RYR2: variants seen among roughly 807,000 people sequenced by gnomAD.
RYR2 encodes the protein cardiac muscle ryanodine receptor-calcium release channel.
A neutral mutation model predicts 601.1 loss-of-function variants in RYR2; 227 were observed. The ratio of observed to expected loss-of-function variants is 0.38; its 90% CI spans 0.34 to 0.42. RYR2 has a LOEUF of 0.42. Ranked by LOEUF, RYR2 falls within the 10% of genes least tolerant of loss-of-function variation. The probability of loss-of-function intolerance (pLI) is 1.00; values close to 1 mark genes in which losing one functional copy is unlikely to be tolerated. For missense variants in RYR2, 4,646 were observed against 6,156.5 expected (o/e 0.75, Z 8.21); for synonymous variants, 2,223 against 2,175.1 (o/e 1.02, Z -0.61).
chr1:237,638,241 G>T (rs1023198252), intron 44 of RYR2, 116 bp from the exon 45 acceptor site: 4 of 1,366,866 alleles, frequency 2.9e-6, no homozygotes, highest in Admixed American at 2.5e-5. Flanking sequence ...AAAAGAATTT[G>T]CAAAAATGCA....
intron 1 of RYR2, among the ~76,000 whole-genome samples, chr1:237,127,669 G>A (rs1456787563): frequency 3.3e-5 from 5 of 151,470 alleles, no homozygotes; most frequent in Non-Finnish European, 5.9e-5. Flanking sequence ...CTTCTCAGAC[G>A]GGGCGGCCGG....
intron 17 of RYR2, among the ~76,000 whole-genome samples, chr1:237,490,393 G>T (rs992002584): frequency 6.6e-6 from 1 of 151,992 alleles, no homozygotes; most frequent in Admixed American, 6.6e-5. Flanking sequence ...TCAATAATGG[G>T]GAGAAAACAA....
chr1:237,477,501 G>C (rs966689578), intron 17 of RYR2, among the ~76,000 whole-genome samples: 2 of 152,196 alleles, frequency 1.3e-5, no homozygotes, highest in Non-Finnish European at 2.9e-5. Flanking sequence ...CATTGTCAGG[G>C]ACAGAACTGA....
intron 84 of RYR2, among the ~76,000 whole-genome samples, chr1:237,764,402 ATTTTTTTTTTTTTTTTT>A (rs59485547): frequency 1.4e-5 from 1 of 69,964 alleles, no homozygotes; most frequent in African/African-American, 5.7e-5. Flanking sequence ...CTTAGGTAGC[ATTTTTTTTTTTTTTTTT>A]TTTTTTTTTT....
chr1:237,573,558 C>T (rs1672922527), intron 29 of RYR2, among the ~76,000 whole-genome samples: 1 of 148,822 alleles, frequency 6.7e-6, no homozygotes, highest in African/African-American at 2.5e-5. Context: ...CTGCTAGGAA[C>T]AACCCTATCC....
rs60735148 is a variant in RYR2 at position 237,102,068 on chromosome 1, T to C, written c.48+59499T>C. 5.9e-5 allele frequency among the ~76,000 whole-genome samples: 9 copies of C among 152,310 alleles called. No homozygotes were observed. The East Asian group carries it at 1.4e-3, about 23-fold the overall frequency. ...TGTGGTGTGTGTGAAAGCTTCATGG[T>C]AGACTTTTGACTTCAAGGTCAAAGA... is the stretch of plus-strand genomic sequence containing the variant. On this transcript the variant is annotated intron_variant, in intron 1 of 104. Transcript: ENST00000366574.
rs554627664 is a variant in RYR2, at chr1:237,454,839, T to C, written c.1476+265T>C. Among the ~76,000 whole-genome samples the C allele has an allele frequency of 7.9e-5, 12 of 152,332 alleles. No homozygotes were observed. In the South Asian group the frequency reaches 2.3e-3, roughly 29 times the overall value. Reference sequence around the variant, plus strand: ...TTTACTGTCTGCTCAGCCCTCACCCTGGTCTTTTGCAAGCACTATAGTTCT... The same window carrying C: ...TTTACTGTCTGCTCAGCCCTCACCCCGGTCTTTTGCAAGCACTATAGTTCT... On this transcript the variant is annotated intron_variant, in intron 15 of 104. Transcript: ENST00000366574.
chr1:237,546,148 G>T (rs1270731475), intron 25 of RYR2, among the ~76,000 whole-genome samples: 7 of 151,832 alleles, frequency 4.6e-5, no homozygotes, highest in African/African-American at 1.7e-4. Flanking sequence ...TTCCCACATG[G>T]CTTCTTTATT....
chr1:237,112,584 AAAAAAAT>A (rs1669614635), intron 1 of RYR2, among the ~76,000 whole-genome samples: 1 of 150,462 alleles, frequency 6.6e-6, no homozygotes, highest in South Asian at 2.1e-4. Context: ...AAAAAAAAAA[AAAAAAAT>A]TAGCTAATGG....
chr1:237,301,375 TA>T (rs1309116404), intron 2 of RYR2, among the ~76,000 whole-genome samples: 1 of 152,136 alleles, frequency 6.6e-6, no homozygotes, highest in East Asian at 1.9e-4. Flanking sequence ...TTAAGAAAGA[TA>T]AAAAAGTTGT....
chr1:237,765,937 A>G (rs1048616917), intron 84 of RYR2, among the ~76,000 whole-genome samples: 1 of 152,188 alleles, frequency 6.6e-6, no homozygotes, highest in African/African-American at 2.4e-5. Flanking sequence ...TTATGCATAT[A>G]AAGGAATTTA....
At chr1:237,760,136 G>C (rs1693298651) in intron 83 of RYR2, among the ~76,000 whole-genome samples, 1 of 150,210 alleles carries the variant, frequency 6.7e-6, no homozygotes, top group Non-Finnish European at 1.5e-5. Context: ...CTTGAGGCCA[G>C]CAATTCAAGA....
At chr1:237,714,854 C>T (rs1815030) in intron 71 of RYR2, among the ~76,000 whole-genome samples, 13 of 151,490 alleles carry the variant, frequency 8.6e-5, no homozygotes, top group Non-Finnish European at 1.2e-4. Context: ...ATTAGCCAGG[C>T]GTGGTGGTGG....
At chr1:237,657,825 G>A (rs953856534) in intron 53 of RYR2, 119 bp from the exon 54 acceptor site, 32 of 548,000 alleles carry the variant, frequency 5.8e-5, no homozygotes, top group African/African-American at 4.4e-4. Context: ...AAAAGAAGTC[G>A]TGTTTAACAG....
At chr1:237,136,436 C>T (rs1296101008) in intron 1 of RYR2, among the ~76,000 whole-genome samples, 1 of 152,158 alleles carries the variant, frequency 6.6e-6, no homozygotes, top group Admixed American at 6.5e-5. Flanking sequence ...CTATAAATGA[C>T]ATAGGGTCAA....
At chr1:237,295,099 CTAGT>C (rs1418230343) in intron 2 of RYR2, among the ~76,000 whole-genome samples, 1 of 151,942 alleles carries the variant, frequency 6.6e-6, no homozygotes, top group Non-Finnish European at 1.5e-5. Flanking sequence ...GCCTGTAGTC[CTAGT>C]GATTCAGGAG....
chr1:237,546,976 C>CATATATATATAT lies in RYR2; in HGVS notation c.2907-1446_2907-1435dup, dbSNP rs558814390. 2.8e-3 allele frequency among the ~76,000 whole-genome samples: 271 copies of CATATATATATAT among 97,434 alleles called. 4 individuals carry two copies. The highest frequency in any genetic ancestry group is 0.014 in the East Asian group (37 of 2,562). 63.9% of individuals were successfully genotyped at this position (97,434 alleles called of 152,430 possible). ...AGAATTTGTAGTTTATTTTCAAAAG[C>CATATATATATAT]ATATATATATATATATATATTTATT... On this transcript the variant is annotated intron_variant, in intron 25 of 104. Transcript: ENST00000366574.
intron 35 of RYR2, among the ~76,000 whole-genome samples, chr1:237,604,402 C>A (rs1284757785): frequency 2.6e-5 from 4 of 152,066 alleles, no homozygotes; most frequent in East Asian, 3.9e-4. Context: ...ATACCAGAAT[C>A]TCTGGGACAC....
chr1:237,369,451 G>T (rs961665009), intron 5 of RYR2, 83 bp from the exon 6 acceptor site: 11 of 1,168,902 alleles, frequency 9.4e-6, no homozygotes, highest in African/African-American at 1.5e-5. Flanking sequence ...TCCTTTGAGA[G>T]CAAGAGAGTA....
Sources: allele counts gnomAD v4.1 joint callset (sites outside exome capture counted in the v4.1 genomes callset), GRCh38; gene constraint gnomAD v4.1.1; transcripts MANE v1.5; gene names NCBI Gene and HGNC (gene_info 2026-07-23, HGNC 2026-07-21).